Variants in ENTPD1 observed in about 807,000 individuals in gnomAD.
ENTPD1 encodes the protein ATP diphosphohydrolase.
In ENTPD1, 33 loss-of-function variants were observed where a neutral mutation model predicts 57.0. That is an observed-to-expected ratio of 0.58 (90% CI 0.44 to 0.77). The LOEUF (loss-of-function observed/expected upper bound fraction) is 0.77. ENTPD1 is among the 30% of genes least tolerant of loss of function. The pLI, the probability that ENTPD1 is intolerant of heterozygous loss-of-function variation, is 0.00. For missense variants in ENTPD1, 501 were observed against 603.4 expected, an observed-to-expected ratio of 0.83 and a Z score of 1.78; for synonymous variants, 202 against 218.8, an observed-to-expected ratio of 0.92 and a Z score of 0.68.
chr10:95,812,555 A>T (rs1364697691), intron 1 of ENTPD1, among the ~76,000 whole-genome samples: 1 of 152,234 alleles, frequency 6.6e-6, no homozygotes, highest in East Asian at 1.9e-4. Flanking sequence ...ATATCTAGGT[A>T]CATGTCTTTG....
chr10:95,840,307 G>T (rs930643345), intron 3 of ENTPD1, among the ~76,000 whole-genome samples: 1 of 152,194 alleles, frequency 6.6e-6, no homozygotes, highest in Non-Finnish European at 1.5e-5. Context: ...CACAGATGAT[G>T]GGTCCCATCC....
At chr10:95,821,187 A>G (rs3176891) in intron 1 of ENTPD1, among the ~76,000 whole-genome samples, 76,376 of 152,086 alleles carry the variant, frequency 0.5, 19,680 homozygotes, top group Admixed American at 0.6. Context: ...ATTCCAGAAC[A>G]CTGGCATCAA....
chr10:95,773,112 G>A (rs887997397), intron 1 of ENTPD1, among the ~76,000 whole-genome samples: 10 of 151,728 alleles, frequency 6.6e-5, no homozygotes, highest in South Asian at 2.1e-4. Flanking sequence ...TTTAACAACC[G>A]CTCTCATGGG....
intron 1 of ENTPD1, among the ~76,000 whole-genome samples, chr10:95,790,500 G>GT (rs1475848441): frequency 2.0e-5 from 3 of 152,036 alleles, no homozygotes; most frequent in African/African-American, 7.2e-5. Flanking sequence ...AGTTTAAAAT[G>GT]TTTTTTAGTT....
intron 1 of ENTPD1, among the ~76,000 whole-genome samples, chr10:95,780,571 A>T (rs1310007122): frequency 2.0e-5 from 3 of 152,106 alleles, no homozygotes; most frequent in Non-Finnish European, 4.4e-5. Context: ...TCTCCCTGTC[A>T]TTGTAAATAG....
chr10:95,720,430 C>T (rs1231253437), intron 1 of ENTPD1, among the ~76,000 whole-genome samples: 1 of 152,132 alleles, frequency 6.6e-6, no homozygotes, highest in Non-Finnish European at 1.5e-5. Context: ...GTAATGTTCC[C>T]CAGTCACAAC....
the ENTPD1 span, among the ~76,000 whole-genome samples, chr10:95,700,435 G>A: frequency 6.6e-6 from 1 of 152,160 alleles, no homozygotes; most frequent in Non-Finnish European, 1.5e-5. Flanking sequence ...TTGAGAGGCT[G>A]AAGCAGGAGG....
In ENTPD1 at chr10:95,873,558, C is replaced by G. The variant is rs564806796; in HGVS notation, c.*7175C>G. ...AGTAGGTAGGTTATGCCAGCTCACA[C>G]GCATCCTTTAAAAATGGTTTAGAAG... is the stretch of plus-strand genomic sequence containing the variant. On this transcript the variant is annotated 3_prime_UTR_variant, in exon 10 of 10. Coordinates refer to ENST00000371205, the MANE Select transcript of ENTPD1 (RefSeq NM_001776.6). The G allele has an allele frequency of 3.0e-6, 3 of 985,298 alleles. No homozygotes were observed. The highest frequency in any genetic ancestry group is 3.6e-6 in the Non-Finnish European group (3 of 829,958). 61.0% of individuals were successfully genotyped at this position (985,298 alleles called of 1,614,324 possible).
intron 2 of ENTPD1, among the ~76,000 whole-genome samples, chr10:95,828,990 C>T (rs1242605227): frequency 1.3e-5 from 2 of 152,184 alleles, no homozygotes; most frequent in African/African-American, 2.4e-5. Flanking sequence ...GGATTACAGG[C>T]ATGAGCCATC....
chr10:95,851,536 C>T (rs1013007846), intron 7 of ENTPD1, among the ~76,000 whole-genome samples: 2 of 151,384 alleles, frequency 1.3e-5, no homozygotes, highest in Middle Eastern at 3.4e-3. Flanking sequence ...CCCATTAACT[C>T]GTCATTTACA....
intron 1 of ENTPD1, among the ~76,000 whole-genome samples, chr10:95,720,929 C>T (rs932500868): frequency 2.0e-5 from 3 of 152,066 alleles, no homozygotes; most frequent in Admixed American, 1.3e-4. Context: ...TTTCTTATCT[C>T]GTTAGTCCAG....
intron 1 of ENTPD1, among the ~76,000 whole-genome samples, chr10:95,746,499 A>T (rs968816051): frequency 2.0e-5 from 3 of 152,164 alleles, no homozygotes; most frequent in Admixed American, 2.0e-4. Flanking sequence ...CCCAAACTCA[A>T]TTAAATTCCA....
chr10:95,753,393 T>G (rs1182285804), upstream of ENTPD1: 1 of 152,150 alleles, frequency 6.6e-6, no homozygotes, highest in Non-Finnish European at 1.5e-5. Context: ...ACAGAGCATA[T>G]TACCATAAAA....
chr10:95,741,930 G>A (rs148385966), intron 1 of ENTPD1, among the ~76,000 whole-genome samples: 2 of 152,316 alleles, frequency 1.3e-5, no homozygotes, highest in African/African-American at 2.4e-5. Flanking sequence ...GAGAACAGGA[G>A]GCCTGATTTT....
intron 1 of ENTPD1, among the ~76,000 whole-genome samples, chr10:95,818,221 T>A (rs2098336664): frequency 6.6e-6 from 1 of 152,188 alleles, no homozygotes; most frequent in African/African-American, 2.4e-5. Context: ...ATTCATTCAT[T>A]CATACAACAT....
chr10:95,742,275 C>T (rs1589662648), intron 1 of ENTPD1, among the ~76,000 whole-genome samples: 1 of 152,274 alleles, frequency 6.6e-6, no homozygotes, highest in Non-Finnish European at 1.5e-5. Flanking sequence ...TTAACACTAG[C>T]TTTTCTGCAT....
intron 1 of ENTPD1, among the ~76,000 whole-genome samples, chr10:95,787,077 A>G (rs1235449129): frequency 6.6e-6 from 1 of 152,292 alleles, no homozygotes; most frequent in Admixed American, 6.5e-5. Flanking sequence ...TTTGTTTTCA[A>G]TTTAGGTAAT....
rs2098475803 is a variant in ENTPD1 at position 95,867,549 on chromosome 10, C to T, written c.*1166C>T. On this transcript the variant is annotated 3_prime_UTR_variant, in exon 10 of 10. Coordinates refer to ENST00000371205, the MANE Select transcript of ENTPD1 (RefSeq NM_001776.6). ...CTTTTGCCCTATCGTGGAATTTACA[C>T]ATCAGAATGTGCAGGATCCAAGTCT... The T allele has an allele frequency of 2.0e-6, 2 of 985,438 alleles. No homozygotes were observed. The highest frequency in any genetic ancestry group is 3.5e-5 in the African/African-American group (2 of 57,354). The allele number at this position is 985,438 out of a possible 1,614,324, so 61.0% of individuals were successfully genotyped here.
At chr10:95,760,814 C>CTTT (rs71034350) in intron 1 of ENTPD1, among the ~76,000 whole-genome samples, 651 of 62,944 alleles carry the variant, frequency 0.01, 112 homozygotes, top group East Asian at 0.016. Flanking sequence ...AGAGTTTATT[C>CTTT]TTTTTTTTTT....
Sources: gnomAD v4.1 joint callset for allele counts (sites outside exome capture counted in the v4.1 genomes callset) on GRCh38, gnomAD v4.1.1 for gene constraint, MANE v1.5 for transcripts, NCBI Gene and HGNC (gene_info 2026-07-23, HGNC 2026-07-21) for gene names.